Variants in PCDHGA5 observed in about 807,000 individuals in gnomAD.
PCDHGA5 encodes the protein protocadherin gamma-A5.
PCDHGA5 carries 36 observed loss-of-function variants against 56.7 expected under a neutral mutation model. That is an observed-to-expected ratio of 0.64 (90% CI 0.49 to 0.84). The LOEUF (loss-of-function observed/expected upper bound fraction) is 0.84. Among genes scored for constraint, PCDHGA5 ranks in the 40% least tolerant of loss-of-function variants. The pLI, the probability that PCDHGA5 is intolerant of heterozygous loss-of-function variation, is 0.00. For synonymous variants in PCDHGA5, 563 were observed against 520.2 expected, an observed-to-expected ratio of 1.08 and a Z score of -1.12; for missense variants, 1,305 against 1,201.5, an observed-to-expected ratio of 1.09 and a Z score of -1.27.
chr5:141,424,295 C>T (rs1481053072), intron 1 of PCDHGA5: 1 of 152,526 alleles, frequency 6.6e-6, no homozygotes, highest in East Asian at 1.9e-4. Flanking sequence ...TTTCTTCATC[C>T]TATCAACACA....
chr5:141,448,565 AT>A (rs2098595794), intron 1 of PCDHGA5, among the ~76,000 whole-genome samples: 1 of 152,070 alleles, frequency 6.6e-6, no homozygotes, highest in Non-Finnish European at 1.5e-5. Flanking sequence ...ATATATTTTT[AT>A]TTCCCCATTT....
At chr5:141,478,454 A>G (rs766350066) in intron 1 of PCDHGA5, 4 of 1,613,596 alleles carry the variant, frequency 2.5e-6, no homozygotes, top group Non-Finnish European at 3.4e-6. Context: ...TGGTGCAGCC[A>G]GTCCACTGGC....
At chr5:141,384,287 A>G in intron 1 of PCDHGA5, 1 of 1,613,838 alleles carries the variant, frequency 6.2e-7, no homozygotes, top group South Asian at 1.1e-5. Context: ...TACATCGCTG[A>G]GAACAACCCC....
chr5:141,498,065 G>C (rs1197771947), intron 2 of PCDHGA5, among the ~76,000 whole-genome samples: 1 of 152,220 alleles, frequency 6.6e-6, no homozygotes, highest in Non-Finnish European at 1.5e-5. Context: ...GACTGAAACT[G>C]TCATAAGTGC....
chr5:141,427,928 G>A (rs1178662640), intron 1 of PCDHGA5: 2 of 1,583,504 alleles, frequency 1.3e-6, no homozygotes. Flanking sequence ...GCCGGCGCAT[G>A]TTGGTGGGCG....
intron 1 of PCDHGA5, chr5:141,433,240 C>A (rs533423214): frequency 1.3e-6 from 2 of 1,488,038 alleles, no homozygotes; most frequent in Non-Finnish European, 1.8e-6. Flanking sequence ...GTCTCCCAAG[C>A]TGGAATGCAG....
chr5:141,462,009 G>A (rs2099028674), intron 1 of PCDHGA5, among the ~76,000 whole-genome samples: 1 of 152,190 alleles, frequency 6.6e-6, no homozygotes, highest in Admixed American at 6.5e-5. Context: ...TTTTAATAGA[G>A]ACGGGGTTTC....
At chr5:141,366,858 A>G (rs1764831423) in intron 1 of PCDHGA5, 107 bp downstream of exon 1, 1 of 1,440,284 alleles carries the variant, frequency 6.9e-7, no homozygotes, top group Admixed American at 2.3e-5. Context: ...GTGGAACATT[A>G]TTTGCTGTAT....
intron 1 of PCDHGA5, among the ~76,000 whole-genome samples, chr5:141,464,404 T>G (rs1224596546): frequency 6.6e-6 from 1 of 151,532 alleles, no homozygotes; most frequent in African/African-American, 2.4e-5. Flanking sequence ...GAACCTGAGA[T>G]ATATATATAT....
chr5:141,420,405 T>C (rs1188012975), intron 1 of PCDHGA5: 7 of 1,241,232 alleles, frequency 5.6e-6, no homozygotes, highest in East Asian at 5.7e-5. Flanking sequence ...AAATTTATGG[T>C]TATCATTATT....
intron 1 of PCDHGA5, chr5:141,383,515 C>T (rs749503295): frequency 1.2e-6 from 2 of 1,612,350 alleles, no homozygotes; most frequent in South Asian, 2.2e-5. Flanking sequence ...GGAGGAAGAG[C>T]GGGTTCACCA....
At chr5:141,381,823 C>CTTTT (rs1777506241) in intron 1 of PCDHGA5, among the ~76,000 whole-genome samples, 2 of 101,602 alleles carry the variant, frequency 2.0e-5, no homozygotes, top group Non-Finnish European at 3.9e-5. Context: ...TTTCTTTCTT[C>CTTTT]TTCTTTTTTT....
chr5:141,398,985 A>T, intron 1 of PCDHGA5: 1 of 1,613,964 alleles, frequency 6.2e-7, no homozygotes, highest in Non-Finnish European at 8.5e-7. Flanking sequence ...GAACCGGGCA[A>T]ATCTTTAGTC....
At chr5:141,427,898 C>A (rs2154552434) in intron 1 of PCDHGA5, 1 of 1,570,872 alleles carries the variant, frequency 6.4e-7, no homozygotes, top group Non-Finnish European at 8.7e-7. Context: ...AGGGCTCGCC[C>A]GCGCTCAGCG....
chr5:141,369,379 T>G (rs1268907990), intron 1 of PCDHGA5, among the ~76,000 whole-genome samples: 1 of 152,066 alleles, frequency 6.6e-6, no homozygotes, highest in Non-Finnish European at 1.5e-5. Flanking sequence ...TTGTAAAAGT[T>G]TTTCATTTGG....
chr5:141,409,861 A>C, intron 1 of PCDHGA5: 1 of 1,612,406 alleles, frequency 6.2e-7, no homozygotes, highest in Non-Finnish European at 8.5e-7. Context: ...TGTTGGTGGG[A>C]GACCGCAATG....
chr5:141,498,053 G>A (rs2099781284), intron 2 of PCDHGA5, among the ~76,000 whole-genome samples: 1 of 152,204 alleles, frequency 6.6e-6, no homozygotes, highest in Non-Finnish European at 1.5e-5. Flanking sequence ...AAATAAATGT[G>A]AGACTGAAAC....
At chr5:141,403,075 G>A (rs1188549930) in intron 1 of PCDHGA5, 5 of 1,613,968 alleles carry the variant, frequency 3.1e-6, no homozygotes, top group Non-Finnish European at 4.2e-6. Flanking sequence ...AGACAGAAAA[G>A]GGCTATATTG....
At chr5:141,389,032 A>C in intron 1 of PCDHGA5, 1 of 1,613,974 alleles carries the variant, frequency 6.2e-7, no homozygotes, top group Non-Finnish European at 8.5e-7. Flanking sequence ...GTGACTTGTA[A>C]ATTGGAAGGT....
Sources: allele counts gnomAD v4.1 joint callset (sites outside exome capture counted in the v4.1 genomes callset), GRCh38; gene constraint gnomAD v4.1.1; transcripts MANE v1.5; gene names NCBI Gene and HGNC (gene_info 2026-07-23, HGNC 2026-07-21).